PLEKHM2: variants seen among roughly 807,000 people sequenced by gnomAD.
PLEKHM2 encodes pleckstrin homology and RUN domain containing M2.
Under a neutral mutation model 116.3 loss-of-function variants are expected in PLEKHM2, and 77 were observed. The ratio of observed to expected loss-of-function variants is 0.66; its 90% confidence interval spans 0.55 to 0.80. The LOEUF is 0.80. Ranked by LOEUF, PLEKHM2 falls within the 30% of genes least tolerant of loss-of-function variation. The pLI is 0.00. For synonymous variants in PLEKHM2, 562 were observed against 571.0 expected, an observed-to-expected ratio of 0.98 and a Z score of 0.22; for missense variants, 1,183 against 1,354.9, an observed-to-expected ratio of 0.87 and a Z score of 1.99.
chr1:15,685,263 C>T (rs1467152346), intron 1 of PLEKHM2, among the ~76,000 whole-genome samples: 1 of 152,200 alleles, frequency 6.6e-6, no homozygotes, highest in African/African-American at 2.4e-5. Flanking sequence ...CAGTAAACAT[C>T]ACTGTCCCAA....
rs781191662 is a variant in PLEKHM2, at chr1:15,719,964, C to T, written c.652+44C>T. The T allele has an allele frequency of 1.8e-5, 27 of 1,496,424 alleles. No homozygotes were observed. Among genetic ancestry groups the T allele is most frequent in the Non-Finnish European group, 2.1e-5 (23 of 1,090,842 alleles). The allele number at this position is 1,496,424 out of a possible 1,614,324, so 92.7% of individuals were successfully genotyped here. On this transcript the variant is annotated intron_variant, in intron 6 of 19. Transcript: ENST00000375799. The surrounding 1 kb of genome is among the most constrained non-coding windows in gnomAD (Gnocchi z 4.1). ...GAAAAGCTAAGCCCCTGTTGTGAAA[C>T]AGACTTGAACTGCTTAAGCCTGGCT...
Position 15,734,270 on chromosome 1 carries a change from T to C in PLEKHM2, c.*336T>C, listed in dbSNP as rs1193593469. The C allele has an allele frequency of 7.4e-6, 2 of 271,902 alleles. No homozygotes were observed. Among genetic ancestry groups the C allele is most frequent in the Non-Finnish European group, 6.9e-6 (1 of 144,506 alleles). 16.8% of individuals were successfully genotyped at this position (271,902 alleles called of 1,614,324 possible). On this transcript the variant is annotated 3_prime_UTR_variant, in exon 20 of 20. Coordinates refer to ENST00000375799, the MANE Select transcript of PLEKHM2 (RefSeq NM_015164.4). ...CGAGTGGCACCGAGAACACCATCCA[T>C]CTAAGGACGAACAAAAGAACCAGGA...
chr1:15,714,932 A>G (rs928512688), intron 1 of PLEKHM2, among the ~76,000 whole-genome samples: 2 of 152,204 alleles, frequency 1.3e-5, no homozygotes, highest in Non-Finnish European at 2.9e-5. Flanking sequence ...AACTCAGTCC[A>G]ATATCTGGGC....
chr1:15,714,235 C>A (rs981138686), intron 1 of PLEKHM2, among the ~76,000 whole-genome samples: 1 of 151,866 alleles, frequency 6.6e-6, no homozygotes, highest in East Asian at 1.9e-4. Context: ...CCACCACACC[C>A]GGCCCTGTTT....
chr1:15,731,863 C>T (rs771914332), intron 16 of PLEKHM2, 26 bp from the exon 17 acceptor site: 69 of 1,599,680 alleles, frequency 4.3e-5, no homozygotes, highest in East Asian at 4.1e-4. Flanking sequence ...TCCTCGCTCC[C>T]GTTTCACCCT....
chr1:15,705,216 A>G (rs1201183084), intron 1 of PLEKHM2, among the ~76,000 whole-genome samples: 5 of 118,084 alleles, frequency 4.2e-5, no homozygotes, highest in Non-Finnish European at 8.0e-5. Flanking sequence ...GTCTCACTCT[A>G]TCACCTAGTT....
intron 8 of PLEKHM2, 156 bp downstream of exon 8, chr1:15,725,701 C>G: frequency 3.3e-6 from 2 of 614,404 alleles, no homozygotes; most frequent in South Asian, 3.9e-5. Flanking sequence ...GTTCTTTGAG[C>G]AAGAGGAAGT....
rs542586037 is a variant in PLEKHM2, at chr1:15,713,163, G to A, written c.61-3074G>A. ...ACACAGCGTTTTGCTATGTGGCTGA[G>A]GCTGGTCTCAAACTCCTGGCCTCAA... On this transcript the variant is annotated intron_variant, in intron 1 of 19. Coordinates refer to ENST00000375799, the MANE Select transcript of PLEKHM2 (RefSeq NM_015164.4). Among the ~76,000 whole-genome samples the A allele has an allele frequency of 3.4e-4, 52 of 152,186 alleles. 1 individual carries two copies. The South Asian group carries it at 9.8e-3, about 29-fold the overall frequency.
chr1:15,693,578 C>G (rs1443544677), intron 1 of PLEKHM2, among the ~76,000 whole-genome samples: 1 of 152,216 alleles, frequency 6.6e-6, no homozygotes, highest in Admixed American at 6.5e-5. Context: ...AGGTCACCAT[C>G]TGGCAGCAAC....
At chr1:15,712,843 C>T (rs1352945792) in intron 1 of PLEKHM2, among the ~76,000 whole-genome samples, 2 of 151,680 alleles carry the variant, frequency 1.3e-5, no homozygotes, top group African/African-American at 2.4e-5. Flanking sequence ...ATTTTTCGCC[C>T]CTGCTGGAGT....
chr1:15,716,768 A>T lies in PLEKHM2; in HGVS notation c.229A>T (p.Ile77Phe). The change falls in exon 3 of 20, where the codon ATC becomes TTC. Residue 77 changes from isoleucine (I) to phenylalanine (F), a missense_variant. By Grantham distance (21) the Ile-to-Phe change is conservative. Around this residue, in one of 3 missense-constraint regions of PLEKHM2, gnomAD observed 217 missense variants for 277.6 expected, o/e 0.78. Transcript: ENST00000375799. ...GGTGCATTTTACTCGGAGAGAGGCC[A>T]TCAAGCAGATCGAGGTGCTGCAGCA... ...LVVHFTRREA[I>F]KQIEVLQHVA... is the part of the protein sequence containing the mutation. 6.3e-7 allele frequency: 1 copy of T among 1,577,786 alleles called. No individual in the cohort carries two copies. Among genetic ancestry groups the T allele is most frequent in the Non-Finnish European group, 8.6e-7 (1 of 1,161,620 alleles).
chr1:15,703,455 C>T (rs914680959), intron 1 of PLEKHM2, among the ~76,000 whole-genome samples: 2 of 152,160 alleles, frequency 1.3e-5, no homozygotes. Context: ...CCAGATCGCC[C>T]CTCTTTTGGG....
chr1:15,686,280 G>A (rs1640766948), intron 1 of PLEKHM2, among the ~76,000 whole-genome samples: 1 of 152,168 alleles, frequency 6.6e-6, no homozygotes, highest in Non-Finnish European at 1.5e-5. Context: ...ATCCCTGGGT[G>A]TATCACAACC....
intron 1 of PLEKHM2, among the ~76,000 whole-genome samples, chr1:15,686,598 G>A (rs1387282525): frequency 4.0e-5 from 6 of 151,332 alleles, no homozygotes; most frequent in South Asian, 2.1e-4. Flanking sequence ...CTTCTGCCTC[G>A]GCCTCTCGAG....
intron 1 of PLEKHM2, among the ~76,000 whole-genome samples, chr1:15,710,406 C>T (rs1483781714): frequency 6.6e-6 from 1 of 151,672 alleles, no homozygotes; most frequent in African/African-American, 2.4e-5. Flanking sequence ...CGGCTCACTG[C>T]AACCTCCAAC....
chr1:15,726,480 C>T (rs1053624956), intron 8 of PLEKHM2, among the ~76,000 whole-genome samples: 2 of 152,224 alleles, frequency 1.3e-5, no homozygotes, highest in African/African-American at 4.8e-5. Context: ...CAGTCCACAG[C>T]AGCATCATGC....
chr1:15,715,678 CT>C (rs1641430149), intron 1 of PLEKHM2, among the ~76,000 whole-genome samples: 1 of 152,070 alleles, frequency 6.6e-6, no homozygotes, highest in South Asian at 2.1e-4. Flanking sequence ...AAAAAAGATA[CT>C]TTTCTAATAT....
chr1:15,702,000 C>G (rs1641124562), intron 1 of PLEKHM2, among the ~76,000 whole-genome samples: 1 of 152,220 alleles, frequency 6.6e-6, no homozygotes, highest in Non-Finnish European at 1.5e-5. Context: ...TCAGTAGTTG[C>G]AACCACATGG....
In PLEKHM2 at chr1:15,718,577, C is replaced by A; in HGVS notation, c.417C>A (p.Phe139Leu). 6.3e-7 allele frequency: 1 copy of A among 1,580,728 alleles called. No individual in the cohort carries two copies. Among genetic ancestry groups the A allele is most frequent in the South Asian group, 1.2e-5 (1 of 86,260 alleles). The change falls in exon 5 of 20, where the codon TTC becomes TTA. Residue 139 changes from phenylalanine to leucine, a missense_variant. By Grantham distance (22) the Phe-to-Leu change is conservative (BLOSUM62 0). This residue lies in a region of PLEKHM2 where 217 missense variants were observed against 277.6 expected (regional missense o/e 0.78). Transcript: ENST00000375799. ...GCAGCCACGATCACCTGACGCTCTTCCTGACCTTGGTGTCCGGGCTAGAGT... is the reference window on the plus strand; with the variant it reads ...GCAGCCACGATCACCTGACGCTCTTACTGACCTTGGTGTCCGGGCTAGAGT... ...LVCSHDHLTL[F>L]LTLVSGLEFI...
Sources: gnomAD v4.1 joint callset for allele counts (sites outside exome capture counted in the v4.1 genomes callset) on GRCh38, gnomAD v4.1.1 for gene constraint, gnomAD v4.1.1 regional missense constraint, Gnocchi (gnomAD v3.1) non-coding constraint, MANE v1.5 for transcripts, NCBI Gene and HGNC (gene_info 2026-07-23, HGNC 2026-07-21) for gene names.